The following NCAPG2 variants were observed in gnomAD, a reference collection of about 807,000 sequenced individuals.
NCAPG2 encodes condensin-2 complex subunit G2.
In NCAPG2, 53 loss-of-function variants were observed where a neutral mutation model predicts 141.1. The observed-to-expected ratio is 0.38, with a 90% CI of 0.30 to 0.47. The LOEUF (loss-of-function observed/expected upper bound fraction) is 0.47, where lower values mean the gene tolerates loss of function less well. Among genes scored for constraint, NCAPG2 ranks in the 20% least tolerant of loss-of-function variants. The pLI is 0.99. For missense variants in NCAPG2, 1,087 were observed against 1,389.0 expected, an observed-to-expected ratio of 0.78 and a Z score of 3.46; for synonymous variants, 499 against 490.7, an observed-to-expected ratio of 1.02 and a Z score of -0.22.
intron 27 of NCAPG2, chr7:158,641,661 C>T: frequency 6.9e-6 from 3 of 437,182 alleles, no homozygotes; most frequent in Non-Finnish European, 1.2e-5. Flanking sequence ...GCAGAATTCA[C>T]AGTAAGAAGA....
At chr7:158,682,283 A>ATGTGTTTAT (rs1169037142) in intron 9 of NCAPG2, among the ~76,000 whole-genome samples, 1 of 151,734 alleles carries the variant, frequency 6.6e-6, no homozygotes, top group African/African-American at 2.4e-5. Flanking sequence ...ACACCAACTC[A>ATGTGTTTAT]TCTATGTGAA....
chr7:158,643,209 C>A (rs1830764607), intron 27 of NCAPG2, among the ~76,000 whole-genome samples: 1 of 151,424 alleles, frequency 6.6e-6, no homozygotes, highest in South Asian at 2.1e-4. Flanking sequence ...GGTGATCCAC[C>A]CACCTCGGCC....
At chr7:158,701,017 C>T (rs1478540670) in intron 2 of NCAPG2, among the ~76,000 whole-genome samples, 1 of 152,226 alleles carries the variant, frequency 6.6e-6, no homozygotes, top group East Asian at 1.9e-4. Flanking sequence ...TGACTACTGG[C>T]CATCCGCTGG....
intron 12 of NCAPG2, among the ~76,000 whole-genome samples, chr7:158,672,754 G>A (rs1279454503): frequency 6.6e-6 from 1 of 152,120 alleles, no homozygotes; most frequent in Non-Finnish European, 1.5e-5. Context: ...TGTGTCCACA[G>A]CCTCCTCTTG....
chr7:158,650,057 C>T (rs986548605), intron 24 of NCAPG2, among the ~76,000 whole-genome samples: 1 of 152,186 alleles, frequency 6.6e-6, no homozygotes, highest in African/African-American at 2.4e-5. Flanking sequence ...ATATTAGCTA[C>T]ATTTTTTTTT....
chr7:158,643,133 T>C (rs756999606), intron 27 of NCAPG2, among the ~76,000 whole-genome samples: 10 of 152,166 alleles, frequency 6.6e-5, no homozygotes, highest in Non-Finnish European at 1.5e-4. Flanking sequence ...CAGCTAATTT[T>C]TGTAATTTTT....
chr7:158,672,310 ATATATATATATATATATATTTTTT>A lies in NCAPG2; in HGVS notation c.1327-668_1327-645del, dbSNP rs1833764313. ...TGTGTGTGTATATATATATATATAT[ATATATATATATATATATATTTTTT>A]TTTTTTTTTTTTTTTTTTTTTTTTT... is the stretch of plus-strand genomic sequence containing the variant. On this transcript the variant is annotated intron_variant, in intron 12 of 27. Coordinates refer to ENST00000356309, the MANE Select transcript of NCAPG2 (RefSeq NM_017760.7). Among the ~76,000 whole-genome samples, 101 of 41,488 alleles carry A rather than the reference ATATATATATATATATATATTTTTT, an allele frequency of 2.4e-3. 1 individual carries two copies. Among genetic ancestry groups the A allele is most frequent in the African/African-American group, 6.0e-3 (73 of 12,264 alleles). The allele number at this position is 41,488 out of a possible 152,430, so 27.2% of individuals were successfully genotyped here.
rs569036076 is a variant in NCAPG2, at chr7:158,664,576, T to G, written c.1654A>C (p.Arg552=). The G allele has an allele frequency of 5.0e-6, 8 of 1,614,204 alleles. No individual in the cohort carries two copies. The South Asian group carries it at 8.8e-5, about 18-fold the overall frequency. ...TLVQMNHAAA[R]RFYQYAHEHT... is the part of the protein sequence containing the mutation. ...TCGTGGGCGTACTGATAGAACCTCC[T>G]GGCAGCGGCGTGGTTCATCTGCACC... The change falls in exon 14 of 28, where the codon AGG becomes CGG. Residue 552 remains arginine, a synonymous_variant. Transcript: ENST00000356309.
intron 26 of NCAPG2, 109 bp downstream of exon 26, chr7:158,645,410 T>A: frequency 2.2e-6 from 2 of 896,866 alleles, no homozygotes; most frequent in Admixed American, 4.0e-5. Flanking sequence ...GGGGGACACC[T>A]GAGCTGGCCA....
At chr7:158,670,964 C>T (rs929662594) in intron 13 of NCAPG2, among the ~76,000 whole-genome samples, 2 of 152,144 alleles carry the variant, frequency 1.3e-5, no homozygotes, top group Non-Finnish European at 2.9e-5. Flanking sequence ...AAGCAATATT[C>T]TTGGCAAAAA....
Position 158,698,812 on chromosome 7 carries a change from G to T in NCAPG2, c.78+3010C>A, listed in dbSNP as rs539142072. On this transcript the variant is annotated intron_variant, in intron 2 of 27. Transcript: ENST00000356309. ...ATTTTTTTTTTTTTTTTGAGACAGG[G>T]TCTCACTTTGTCACCCAGGCTGGAG... Among the ~76,000 whole-genome samples the T allele has an allele frequency of 2.0e-5, 3 of 149,958 alleles. No individual in the cohort carries two copies. The South Asian group carries it at 6.3e-4, about 32-fold the overall frequency.
rs543046088 is a variant in NCAPG2 at position 158,637,182 on chromosome 7, C to T, written c.3381-5465G>A. Among the ~76,000 whole-genome samples, 38 of 152,206 alleles carry T rather than the reference C, an allele frequency of 2.5e-4. 1 individual carries two copies. Among genetic ancestry groups the T allele is most frequent in the African/African-American group, 8.2e-4 (34 of 41,532 alleles). ...CAGGATGGTCTCGATCTCCTGACCT[C>T]GTGATCCACCTGCCTTGGCCTCCCA... is the stretch of plus-strand genomic sequence containing the variant. On this transcript the variant is annotated intron_variant, in intron 27 of 27. Coordinates refer to ENST00000356309, the MANE Select transcript of NCAPG2 (RefSeq NM_017760.7).
chr7:158,701,989 G>T, intron 1 of NCAPG2, 51 bp from the exon 2 acceptor site: 2 of 1,158,222 alleles, frequency 1.7e-6, no homozygotes, highest in Non-Finnish European at 2.5e-6. Context: ...ATCTTTTCCT[G>T]TAAGATTTAA....
chr7:158,671,875 T>A (rs1833707060), intron 12 of NCAPG2, among the ~76,000 whole-genome samples: 1 of 152,254 alleles, frequency 6.6e-6, no homozygotes, highest in African/African-American at 2.4e-5. Flanking sequence ...CAACCACTGC[T>A]ATTTGGTCCA....
chr7:158,693,606 GA>G, intron 2 of NCAPG2, 109 bp from the exon 3 acceptor site: 3 of 993,580 alleles, frequency 3.0e-6, no homozygotes, highest in Non-Finnish European at 4.3e-6. Context: ...ACAAGTTCAA[GA>G]GTTTGGTTGC....
chr7:158,653,387 A>AAAATAAT (rs1554553516), intron 22 of NCAPG2, among the ~76,000 whole-genome samples: 24 of 146,138 alleles, frequency 1.6e-4, no homozygotes, highest in African/African-American at 5.0e-4. Flanking sequence ...ATAAAAAAAA[A>AAAATAAT]AATAATAATA....
chr7:158,655,311 C>T (rs773338766), intron 20 of NCAPG2, 28 bp downstream of exon 20: 2 of 1,614,126 alleles, frequency 1.2e-6, no homozygotes, highest in Non-Finnish European at 8.5e-7. Context: ...TGTGTATCAT[C>T]CTAATAGAGG....
chr7:158,632,278 T>G (rs1829941760), intron 27 of NCAPG2, among the ~76,000 whole-genome samples: 1 of 152,220 alleles, frequency 6.6e-6, no homozygotes, highest in Admixed American at 6.5e-5. Context: ...GAGCACTGAG[T>G]ACTTTTCCTT....
chr7:158,672,435 C>T (rs1331696640), intron 12 of NCAPG2, among the ~76,000 whole-genome samples: 5 of 138,752 alleles, frequency 3.6e-5, no homozygotes, highest in African/African-American at 8.1e-5. Flanking sequence ...CTCTGCCTCC[C>T]GGGTTCATGC....
Sources: gnomAD v4.1 joint callset for allele counts (sites outside exome capture counted in the v4.1 genomes callset) on GRCh38, gnomAD v4.1.1 for gene constraint, MANE v1.5 for transcripts, NCBI Gene and HGNC (gene_info 2026-07-23, HGNC 2026-07-21) for gene names.